Variants in ARHGEF3 observed in about 807,000 individuals in gnomAD.
The protein encoded by ARHGEF3 is Rho guanine nucleotide exchange factor 3, also known as 59.8 kDA protein.
ARHGEF3 carries 28 observed loss-of-function variants against 63.2 expected under a neutral mutation model. The observed-to-expected ratio is 0.44, with a 90% CI of 0.33 to 0.61. The LOEUF (loss-of-function observed/expected upper bound fraction) is 0.61. Among genes scored for constraint, ARHGEF3 ranks in the 20% least tolerant of loss-of-function variants. ARHGEF3 has a pLI of 0.03. For synonymous variants in ARHGEF3, 266 were observed against 254.2 expected (o/e 1.05, Z -0.44); for missense variants, 533 against 659.3 (o/e 0.81, Z 2.10).
At chr3:57,018,034 T>C (rs918861277) in intron 2 of ARHGEF3, among the ~76,000 whole-genome samples, 1 of 152,194 alleles carries the variant, frequency 6.6e-6, no homozygotes, top group Non-Finnish European at 1.5e-5. Flanking sequence ...ATCCCAACAC[T>C]TTGGGAGCCC....
chr3:56,837,563 A>G (rs2039157173), intron 4 of ARHGEF3, among the ~76,000 whole-genome samples: 1 of 152,220 alleles, frequency 6.6e-6, no homozygotes, highest in African/African-American at 2.4e-5. Flanking sequence ...GAAATAGACC[A>G]TTTCATGAAG....
intron 3 of ARHGEF3, among the ~76,000 whole-genome samples, chr3:56,929,086 C>T (rs1032610026): frequency 1.3e-5 from 2 of 152,154 alleles, no homozygotes; most frequent in African/African-American, 4.8e-5. Context: ...AAAGAGAGAC[C>T]TCCAGGAGGG....
chr3:57,000,634 G>T (rs1464305683), intron 2 of ARHGEF3, among the ~76,000 whole-genome samples: 1 of 152,086 alleles, frequency 6.6e-6, no homozygotes, highest in African/African-American at 2.4e-5. Context: ...CCGGGTTCAA[G>T]TGATTCTCCT....
intron 3 of ARHGEF3, among the ~76,000 whole-genome samples, chr3:56,942,342 G>T (rs970875523): frequency 2.0e-5 from 3 of 152,172 alleles, no homozygotes; most frequent in African/African-American, 7.2e-5. Flanking sequence ...AAATTCAATA[G>T]TTCAAACTTT....
At chr3:56,858,635 T>A (rs2039965576) in intron 4 of ARHGEF3, among the ~76,000 whole-genome samples, 1 of 152,198 alleles carries the variant, frequency 6.6e-6, no homozygotes, top group African/African-American at 2.4e-5. Context: ...AGGCCTGCTT[T>A]AAATTGAGTT....
At position 56,882,667 on chromosome 3, in the gene ARHGEF3, C is replaced by T. The variant is rs560613217; in HGVS notation, c.130-313G>A. On this transcript the variant is annotated intron_variant, in intron 3 of 12. Coordinates refer to the ARHGEF3 transcript ENST00000338458. ...CTGAGTAGCTGGGATTATAGGCACACGCCACCACGCCTGGCTAATTTTTGT... is the reference window on the plus strand; with the variant it reads ...CTGAGTAGCTGGGATTATAGGCACATGCCACCACGCCTGGCTAATTTTTGT... Among the ~76,000 whole-genome samples the T allele has an allele frequency of 1.2e-3, 176 of 151,956 alleles. 1 individual carries two copies. Among genetic ancestry groups the T allele is most frequent in the Admixed American group, 3.5e-3 (53 of 15,264 alleles).
intron 3 of ARHGEF3, among the ~76,000 whole-genome samples, chr3:56,927,751 T>C (rs758373979): frequency 1.3e-5 from 2 of 152,054 alleles, no homozygotes; most frequent in Non-Finnish European, 2.9e-5. Context: ...GTTGGGAAAG[T>C]CATTTGACCC....
intron 2 of ARHGEF3, among the ~76,000 whole-genome samples, chr3:56,773,440 C>T (rs753506866): frequency 6.6e-5 from 10 of 152,080 alleles, no homozygotes; most frequent in African/African-American, 1.2e-4. Flanking sequence ...GGAAAAAAAT[C>T]GCGTGAGAGT....
At chr3:56,884,499 G>C (rs774629396) in intron 3 of ARHGEF3, among the ~76,000 whole-genome samples, 1 of 152,234 alleles carries the variant, frequency 6.6e-6, no homozygotes, top group Non-Finnish European at 1.5e-5. Context: ...CACTGAAACA[G>C]TGGTGCAGCG....
At chr3:57,021,268 A>G (rs897685139) in intron 2 of ARHGEF3, among the ~76,000 whole-genome samples, 9 of 152,162 alleles carry the variant, frequency 5.9e-5, no homozygotes, top group Non-Finnish European at 1.0e-4. Flanking sequence ...TTAGATGCCA[A>G]TCTTGTTGAA....
chr3:57,037,700 C>T (rs2107238660), intron 1 of ARHGEF3, among the ~76,000 whole-genome samples: 1 of 152,286 alleles, frequency 6.6e-6, no homozygotes, highest in Admixed American at 6.5e-5. Flanking sequence ...CGGTGAAAAC[C>T]CGTCTCTATT....
chr3:56,743,882 G>C (rs1255268935), intron 7 of ARHGEF3, among the ~76,000 whole-genome samples: 1 of 151,956 alleles, frequency 6.6e-6, no homozygotes, highest in East Asian at 1.9e-4. Context: ...CCTATCACCA[G>C]TCTCTTCCTC....
chr3:56,748,359 G>A (rs577852319), intron 6 of ARHGEF3, among the ~76,000 whole-genome samples: 5 of 152,184 alleles, frequency 3.3e-5, no homozygotes, highest in Non-Finnish European at 2.9e-5. Context: ...AGAAACTGTC[G>A]TTTAGAGAAC....
intron 4 of ARHGEF3, among the ~76,000 whole-genome samples, chr3:56,814,037 T>C (rs1225531859): frequency 6.6e-6 from 1 of 152,208 alleles, no homozygotes; most frequent in Admixed American, 6.5e-5. Flanking sequence ...GAGAAGCTTT[T>C]AATATGGAAG....
At chr3:56,947,945 A>T (rs1456064759) in intron 3 of ARHGEF3, among the ~76,000 whole-genome samples, 2 of 152,246 alleles carry the variant, frequency 1.3e-5, no homozygotes, top group Non-Finnish European at 2.9e-5. Flanking sequence ...ACCACAGTGC[A>T]ATCAAACTAG....
chr3:57,002,282 T>C (rs938356909), intron 2 of ARHGEF3, among the ~76,000 whole-genome samples: 3 of 150,842 alleles, frequency 2.0e-5, no homozygotes, highest in African/African-American at 7.3e-5. Context: ...AGTTCTTAAG[T>C]ATCAGCAGTC....
At chr3:56,822,425 A>T (rs2038541821) in intron 4 of ARHGEF3, among the ~76,000 whole-genome samples, 1 of 152,218 alleles carries the variant, frequency 6.6e-6, no homozygotes, top group Admixed American at 6.5e-5. Context: ...ATAAACAAGT[A>T]TACTGATGAA....
rs748529603 is a variant in ARHGEF3 at position 56,753,584 on chromosome 3, C to T, written c.376-18G>A. ...AAGATCGCCTGCAAGGAAAGATAAA[C>T]ATATTCACTGAATTCTCCCTTCATT... On this transcript the variant is annotated intron_variant, in intron 3 of 9. Coordinates refer to ENST00000296315, the MANE Select transcript of ARHGEF3 (RefSeq NM_019555.3). The T allele has an allele frequency of 3.1e-6, 5 of 1,609,540 alleles. No homozygotes were observed. In the African/African-American group the frequency reaches 4.0e-5, roughly 13 times the overall value.
chr3:56,974,806 A>G (rs1381547355), intron 2 of ARHGEF3, among the ~76,000 whole-genome samples: 1 of 152,170 alleles, frequency 6.6e-6, no homozygotes, highest in Admixed American at 6.5e-5. Flanking sequence ...GGAAAGGATA[A>G]TTAGTTTTCT....
Sources: gnomAD v4.1 joint callset for allele counts (sites outside exome capture counted in the v4.1 genomes callset) on GRCh38, gnomAD v4.1.1 for gene constraint, MANE v1.5 for transcripts, NCBI Gene and HGNC (gene_info 2026-07-23, HGNC 2026-07-21) for gene names.